Variants in SMG7 observed in about 807,000 individuals in gnomAD.
SMG7 encodes the protein SMG7 nonsense mediated mRNA decay factor.
In SMG7, 34 loss-of-function variants were observed where a neutral mutation model predicts 148.2. The observed-to-expected ratio is 0.23, with a 90% CI of 0.17 to 0.31. SMG7 has a LOEUF of 0.31. Among genes scored for constraint, SMG7 ranks in the 10% least tolerant of loss-of-function variants. The probability of loss-of-function intolerance (pLI) is 1.00; values close to 1 mark genes in which losing one functional copy is unlikely to be tolerated. For synonymous variants in SMG7, 492 were observed against 515.1 expected, an observed-to-expected ratio of 0.96 and a Z score of 0.61; for missense variants, 1,114 against 1,408.4, an observed-to-expected ratio of 0.79 and a Z score of 3.35.
intron 2 of SMG7, 56 bp from the exon 3 acceptor site, chr1:183,515,818 G>A: frequency 8.8e-7 from 1 of 1,131,752 alleles, no homozygotes; most frequent in Non-Finnish European, 1.3e-6. Flanking sequence ...TGGTATAATG[G>A]TTTTAACTGC....
chr1:183,529,581 C>T (rs1286582785), intron 8 of SMG7, 48 bp downstream of exon 8: 1 of 1,531,926 alleles, frequency 6.5e-7, no homozygotes, highest in African/African-American at 1.4e-5. Flanking sequence ...AATCAGGAAG[C>T]ATAACATTTG....
At position 183,514,216 on chromosome 1, in the gene SMG7, CAAAAA is replaced by C. The variant is rs36125833; in HGVS notation, c.61+1361_61+1365del. Among the ~76,000 whole-genome samples, 371 of 99,156 alleles carry C rather than the reference CAAAAA, an allele frequency of 3.7e-3. 5 individuals are homozygous for C. Among genetic ancestry groups the C allele is most frequent in the Non-Finnish European group, 8.8e-4 (38 of 43,030 alleles). 65.1% of individuals were successfully genotyped at this position (99,156 alleles called of 152,430 possible). A position where few individuals can be genotyped will look rare whatever the true frequency, so the allele number is the denominator to read the frequency against. On this transcript the variant is annotated intron_variant, in intron 2 of 22. Transcript: ENST00000688051. ...TAATTTAGTTCTGCAGTGAAATTCA[CAAAAA>C]AAAAAAAAAAAAGAATTAAACAGCA...
At chr1:183,520,508 AT>A (rs1664523003) in intron 4 of SMG7, among the ~76,000 whole-genome samples, 1 of 151,872 alleles carries the variant, frequency 6.6e-6, no homozygotes, top group Non-Finnish European at 1.5e-5. Flanking sequence ...TTTGTTTCTG[AT>A]TCAAATCTCA....
chr1:183,502,338 G>T (rs1659925175), intron 1 of SMG7: 1 of 1,534,866 alleles, frequency 6.5e-7, no homozygotes, highest in East Asian at 2.4e-5. Context: ...TTAAGTCCCA[G>T]ATGAGGACCG....
At chr1:183,511,202 T>C (rs1338047785) in intron 1 of SMG7, among the ~76,000 whole-genome samples, 2 of 152,168 alleles carry the variant, frequency 1.3e-5, no homozygotes, top group Non-Finnish European at 2.9e-5. Context: ...ATGAGTCTGA[T>C]TTATACTTTT....
At chr1:183,549,317 G>A (rs766671429) in intron 19 of SMG7, 29 bp downstream of exon 19, 1 of 1,452,610 alleles carries the variant, frequency 6.9e-7, no homozygotes, top group Non-Finnish European at 9.7e-7. Context: ...ATCCTGCTGT[G>A]TGCTTTTAGT....
chr1:183,494,523 C>A (rs1427868480), intron 1 of SMG7, among the ~76,000 whole-genome samples: 1 of 150,802 alleles, frequency 6.6e-6, no homozygotes. Flanking sequence ...TTTCTTCCAG[C>A]CCAAAGAGTT....
In SMG7 at chr1:183,473,253, G is replaced by A. The variant is rs1425080031; in HGVS notation, c.29+604G>A. Among the ~76,000 whole-genome samples, 4 of 152,088 alleles carry A rather than the reference G, an allele frequency of 2.6e-5. No homozygotes were observed. In the East Asian group the frequency reaches 7.7e-4, roughly 29 times the overall value. On this transcript the variant is annotated intron_variant, in intron 1 of 22. Transcript: ENST00000688051. ...GGGAGGCGTGAAGGGGAATAGATGG[G>A]GAAGTGAGGAAAGAGGGAGGCACTG...
rs74875356 is a variant in SMG7 at position 183,514,449 on chromosome 1, C to T, written c.62-1425C>T. Among the ~76,000 whole-genome samples the T allele has an allele frequency of 3.4e-4, 52 of 152,262 alleles. No individual in the cohort carries two copies. In the East Asian group the frequency reaches 7.9e-3, roughly 23 times the overall value. On this transcript the variant is annotated intron_variant, in intron 2 of 22. Coordinates refer to ENST00000688051, the MANE Select transcript of SMG7 (RefSeq NM_001375584.1). ...TTCTTTCCATTATTAACAGATTTGT[C>T]ATCATCTATATTGTGTATATCAGTG...
chr1:183,546,376 G>A lies in SMG7; in HGVS notation c.2742+39G>A, dbSNP rs115822943. 3,031 of 1,569,432 alleles carry A rather than the reference G, an allele frequency of 1.9e-3. 62 individuals are homozygous for A. In the African/African-American group the frequency reaches 0.038, roughly 20 times the overall value. The stretch of plus-strand genomic sequence containing the variant: ...CCTATCACCAGGCAATTTGGAGATA[G>A]GTCTGAGGTTGACTGTCTTTTGAAT... On this transcript the variant is annotated intron_variant, in intron 17 of 22. Coordinates refer to ENST00000688051, the MANE Select transcript of SMG7 (RefSeq NM_001375584.1).
In SMG7 at chr1:183,553,963, G is replaced by A. The variant is rs1388669896; in HGVS notation, c.*2032G>A. 6.6e-6 allele frequency: 1 copy of A among 152,618 alleles called. No individual in the cohort carries two copies. The highest frequency in any genetic ancestry group is 2.4e-5 in the African/African-American group (1 of 41,438). 9.5% of individuals were successfully genotyped at this position (152,618 alleles called of 1,614,324 possible). On this transcript the variant is annotated 3_prime_UTR_variant, in exon 23 of 23. Coordinates refer to ENST00000688051, the MANE Select transcript of SMG7 (RefSeq NM_001375584.1). ...GCCCCATTCTGCATGAGAATTTGGT[G>A]TTTGGAATGTTTTCTGACTCTTGGG...
chr1:183,521,529 A>G (rs1025831873), intron 4 of SMG7, among the ~76,000 whole-genome samples: 5 of 152,174 alleles, frequency 3.3e-5, no homozygotes, highest in African/African-American at 1.2e-4. Flanking sequence ...AAAGTAGACA[A>G]ATTCCAGATT....
At chr1:183,516,333 A>T (rs755472299) in intron 3 of SMG7, among the ~76,000 whole-genome samples, 2 of 152,194 alleles carry the variant, frequency 1.3e-5, no homozygotes, top group African/African-American at 4.8e-5. Flanking sequence ...AAAAAAAAAT[A>T]CAAGAATAGG....
intron 3 of SMG7, 33 bp from the exon 4 acceptor site, chr1:183,517,655 G>C: frequency 6.2e-7 from 1 of 1,612,510 alleles, no homozygotes; most frequent in Non-Finnish European, 8.5e-7. Flanking sequence ...GTGAGTCACT[G>C]CTATACCAAA....
chr1:183,541,072 A>G lies in SMG7; in HGVS notation c.1384A>G (p.Ile462Val), dbSNP rs368030706. 2.9e-5 allele frequency: 46 copies of G among 1,613,290 alleles called. No homozygotes were observed. Among genetic ancestry groups the G allele is most frequent in the Middle Eastern group, 1.6e-4 (1 of 6,078 alleles). Residue 462 changes from isoleucine to valine, a missense_variant, in exon 13 of 23, where the codon ATA becomes GTA. Ile to Val is a conservative substitution (Grantham distance 29). Around this residue, in one of 4 missense-constraint regions of SMG7, gnomAD observed 788 missense variants for 894.5 expected, o/e 0.88. Coordinates refer to ENST00000688051, the MANE Select transcript of SMG7 (RefSeq NM_001375584.1). Reference sequence around the variant, plus strand: ...AATACGACAGCAACGCTTGATCTCTATAGGCAAATGGATTGCTGATAATCA... The same window carrying G: ...AATACGACAGCAACGCTTGATCTCTGTAGGCAAATGGATTGCTGATAATCA... Reference protein sequence around the residue: ...RRIRQQRLISIGKWIADNQPR... With the variant: ...RRIRQQRLISVGKWIADNQPR...
At chr1:183,544,683 A>G (rs1669586096) in intron 15 of SMG7, among the ~76,000 whole-genome samples, 186 bp downstream of exon 15, 1 of 152,158 alleles carries the variant, frequency 6.6e-6, no homozygotes, top group Admixed American at 6.5e-5. Flanking sequence ...CATGTTTGTT[A>G]TTATGAAGGA....
chr1:183,540,529 C>T (rs1403536276), intron 12 of SMG7, among the ~76,000 whole-genome samples: 2 of 151,814 alleles, frequency 1.3e-5, no homozygotes, highest in African/African-American at 4.8e-5. Context: ...GATATTTATA[C>T]ATTTTTCTGA....
chr1:183,512,758 T>C (rs1048973479), intron 1 of SMG7, 79 bp from the exon 2 acceptor site: 323 of 1,321,444 alleles, frequency 2.4e-4, no homozygotes, highest in Non-Finnish European at 3.3e-4. Flanking sequence ...CACCTAACTT[T>C]TAGTGTTATT....
intron 2 of SMG7, 140 bp downstream of exon 2, chr1:183,513,008 ATATT>A: frequency 1.4e-6 from 1 of 707,228 alleles, no homozygotes; most frequent in East Asian, 2.9e-5. Flanking sequence ...TCTGCTTTAA[ATATT>A]TATTGTTTAT....
Sources: allele counts gnomAD v4.1 joint callset (sites outside exome capture counted in the v4.1 genomes callset), GRCh38; gene constraint gnomAD v4.1.1; regional missense constraint gnomAD v4.1.1; transcripts MANE v1.5; gene names NCBI Gene and HGNC (gene_info 2026-07-23, HGNC 2026-07-21).